The following EYS variants were observed in gnomAD, a reference collection of about 807,000 sequenced individuals.
EYS encodes EGF-like photoreceptor maintenance factor, also known as protein eyes shut homolog.
A neutral mutation model predicts 282.1 loss-of-function variants in EYS; 250 were observed. That is an observed-to-expected ratio of 0.89 (90% CI 0.80 to 0.98). The LOEUF (loss-of-function observed/expected upper bound fraction) is 0.98. Ranked by LOEUF, EYS falls within the 50% of genes least tolerant of loss-of-function variation. The pLI is 0.00. For synonymous variants in EYS, 1,355 were observed against 1,282.9 expected, an observed-to-expected ratio of 1.06 and a Z score of -1.20; for missense variants, 4,016 against 3,709.0, an observed-to-expected ratio of 1.08 and a Z score of -2.15.
chr6:65,700,825 T>C (rs9351517), intron 1 of EYS, among the ~76,000 whole-genome samples: 44,051 of 152,144 alleles, frequency 0.29, 7,136 homozygotes, highest in African/African-American at 0.44. Flanking sequence ...AGCATAGATA[T>C]AGTCTTGTAA....
At chr6:65,293,810 G>C (rs1451506836) in intron 12 of EYS, among the ~76,000 whole-genome samples, 1 of 151,842 alleles carries the variant, frequency 6.6e-6, no homozygotes, top group African/African-American at 2.4e-5. Context: ...TGGAGATACA[G>C]AGACTGACAT....
intron 2 of EYS, among the ~76,000 whole-genome samples, chr6:65,592,890 T>C (rs1168607038): frequency 6.6e-5 from 10 of 152,144 alleles, no homozygotes; most frequent in Admixed American, 5.9e-4. Flanking sequence ...TATTCTTTTG[T>C]GATTCCTGCA....
chr6:64,347,603 A>T (rs1771458836), intron 29 of EYS, among the ~76,000 whole-genome samples: 1 of 149,624 alleles, frequency 6.7e-6, no homozygotes, highest in Admixed American at 6.7e-5. Flanking sequence ...AGAAAAAAAA[A>T]CTCTTACTAT....
intron 12 of EYS, among the ~76,000 whole-genome samples, chr6:65,252,493 T>C (rs1006073732): frequency 6.6e-6 from 1 of 151,954 alleles, no homozygotes; most frequent in Non-Finnish European, 1.5e-5. Flanking sequence ...TAAAATAAAA[T>C]GCATATATCC....
chr6:64,278,074 G>A (rs1411301788), intron 30 of EYS, among the ~76,000 whole-genome samples: 2 of 152,256 alleles, frequency 1.3e-5, no homozygotes, highest in Admixed American at 6.5e-5. Flanking sequence ...CAAAGAAGCT[G>A]TAGTGGGAGA....
rs537827428 is a variant in EYS, at chr6:64,335,374, G to A, written c.6079-28292C>T. Among the ~76,000 whole-genome samples, 5 of 151,582 alleles carry A rather than the reference G, an allele frequency of 3.3e-5. No individual in the cohort carries two copies. The South Asian group carries it at 6.3e-4, about 19-fold the overall frequency. The stretch of plus-strand genomic sequence containing the variant: ...CCTCAAAGTTTATTACAGGCCCAGC[G>A]AGTTTCTGCTTACCTCCCTAGCGTG... On this transcript the variant is annotated intron_variant, in intron 29 of 42. Transcript: ENST00000503581.
chr6:64,390,863 T>G (rs922292207), intron 28 of EYS, among the ~76,000 whole-genome samples: 11 of 140,256 alleles, frequency 7.8e-5, no homozygotes, highest in African/African-American at 1.6e-4. Flanking sequence ...GGCAAAGAAG[T>G]TGAAAACTTT....
chr6:65,018,108 T>G (rs746292913), intron 13 of EYS, among the ~76,000 whole-genome samples: 12 of 152,178 alleles, frequency 7.9e-5, no homozygotes, highest in Admixed American at 3.9e-4. Flanking sequence ...TATTTTTCTG[T>G]GATCGATAAA....
chr6:63,776,234 G>A (rs1415588015), intron 40 of EYS, among the ~76,000 whole-genome samples: 1 of 152,070 alleles, frequency 6.6e-6, no homozygotes, highest in East Asian at 1.9e-4. Context: ...TAATTTCAAC[G>A]TTATTTTTTA....
At chr6:64,693,313 T>A (rs921627771) in intron 22 of EYS, among the ~76,000 whole-genome samples, 1 of 152,014 alleles carries the variant, frequency 6.6e-6, no homozygotes, top group Non-Finnish European at 1.5e-5. Flanking sequence ...AAGCAAATTC[T>A]AAAATTGATC....
intron 31 of EYS, among the ~76,000 whole-genome samples, chr6:64,140,743 C>T (rs1195903635): frequency 6.6e-6 from 1 of 152,128 alleles, no homozygotes; most frequent in African/African-American, 2.4e-5. Context: ...ACTGCCTTCT[C>T]CCCTTAGGCA....
intron 29 of EYS, among the ~76,000 whole-genome samples, chr6:64,319,363 TCTTAAATCTAGC>T (rs1449409757): frequency 4.5e-4 from 68 of 151,980 alleles, no homozygotes; most frequent in Non-Finnish European, 9.4e-4. Flanking sequence ...AAAATGAGAT[TCTTAAATCTAGC>T]AATACCAATT....
At chr6:64,563,589 G>A (rs559134421) in intron 26 of EYS, among the ~76,000 whole-genome samples, 2 of 152,172 alleles carry the variant, frequency 1.3e-5, no homozygotes, top group African/African-American at 4.8e-5. Flanking sequence ...CAAATTGCAT[G>A]TTATATAAGC....
In EYS at chr6:64,038,749, G is replaced by T. The variant is rs377495173; in HGVS notation, c.6725+27589C>A. Among the ~76,000 whole-genome samples, 6 of 150,616 alleles carry T rather than the reference G, an allele frequency of 4.0e-5. No homozygotes were observed. In the South Asian group the frequency reaches 6.3e-4, roughly 16 times the overall value. On this transcript the variant is annotated intron_variant, in intron 33 of 42. Coordinates refer to ENST00000503581, the MANE Select transcript of EYS (RefSeq NM_001142800.2). ...TCACAAAGTAGAACATTTTTAAGTG[G>T]TTTATTTACTTTATTCTACCTAATT...
chr6:65,494,742 T>A lies in EYS; in HGVS notation c.669A>T (p.Lys223Asn), dbSNP rs757833964. ...TTTTATTAATGCAACTGCCATTATT[T>A]TTACATGGTTTAAAAGAACATGCAT... The part of the protein sequence containing the change: ...ELDACSFKPC[K>N]NNGSCINKRE... The change falls in exon 4 of 43, where the codon AAA becomes AAT. Residue 223 changes from lysine to asparagine, a missense_variant. Physicochemically the swap from Lys to Asn is moderately conservative, Grantham distance 94 (BLOSUM62 0). Coordinates refer to ENST00000503581, the MANE Select transcript of EYS (RefSeq NM_001142800.2). The A allele has an allele frequency of 1.2e-6, 2 of 1,613,618 alleles. No individual in the cohort carries two copies. The highest frequency in any genetic ancestry group is 2.2e-5 in the South Asian group (2 of 90,994).
At chr6:64,248,556 C>T (rs956048904) in intron 30 of EYS, among the ~76,000 whole-genome samples, 8 of 151,896 alleles carry the variant, frequency 5.3e-5, no homozygotes, top group South Asian at 2.1e-4. Flanking sequence ...AGGAAACAGA[C>T]GGTACATTCA....
intron 2 of EYS, among the ~76,000 whole-genome samples, chr6:65,587,514 G>A (rs150994145): frequency 9.9e-4 from 150 of 152,120 alleles, no homozygotes; most frequent in African/African-American, 3.1e-3. Flanking sequence ...GAAGAAAGAG[G>A]TGATTGCTTC....
At chr6:64,293,106 C>T (rs1768775215) in intron 30 of EYS, among the ~76,000 whole-genome samples, 1 of 151,936 alleles carries the variant, frequency 6.6e-6, no homozygotes, top group African/African-American at 2.4e-5. Flanking sequence ...TCTTAAATTC[C>T]CTTGTGAAAT....
chr6:64,179,753 CAGACAGAA>C (rs1314935720), intron 31 of EYS, among the ~76,000 whole-genome samples: 1 of 152,006 alleles, frequency 6.6e-6, no homozygotes, highest in Non-Finnish European at 1.5e-5. Flanking sequence ...GCTTGTGTTT[CAGACAGAA>C]ATTGGTACTG....
Sources: gnomAD v4.1 joint callset for allele counts (sites outside exome capture counted in the v4.1 genomes callset) on GRCh38, gnomAD v4.1.1 for gene constraint, MANE v1.5 for transcripts, NCBI Gene and HGNC (gene_info 2026-07-23, HGNC 2026-07-21) for gene names.